CTSA: variants seen among roughly 807,000 people sequenced by gnomAD.
CTSA encodes the protein cathepsin A, also known as lysosomal protective protein.
In CTSA, 42 loss-of-function variants were observed where a neutral mutation model predicts 66.7. That is an observed-to-expected ratio of 0.63 (90% CI 0.49 to 0.81). CTSA has a LOEUF of 0.81. Ranked by LOEUF, CTSA falls within the 40% of genes least tolerant of loss-of-function variation. The pLI is 0.00. For missense variants in CTSA, 525 were observed against 610.9 expected (o/e 0.86, Z 1.48); for synonymous variants, 225 against 248.6 (o/e 0.91, Z 0.89).
Position 45,898,706 on chromosome 20 carries a change from GATGC to G in CTSA, c.*258_*261del, listed in dbSNP as rs1407511523. 8 of 656,740 alleles carry G rather than the reference GATGC, an allele frequency of 1.2e-5. No individual in the cohort carries two copies. The highest frequency in any genetic ancestry group is 2.1e-5 in the Non-Finnish European group (8 of 378,800). The allele number at this position is 656,740 out of a possible 1,614,324, so 40.7% of individuals were successfully genotyped here. On this transcript the variant is annotated 3_prime_UTR_variant, in exon 15 of 15. Transcript: ENST00000646241. The surrounding 1 kb of genome is among the most constrained non-coding windows in gnomAD (Gnocchi z 4.6). ...TCTCTGCTTAAAGAATGCCCTTTAT[GATGC>G]ACTGATTCCATCCCAGGAACCCAAC...
intron 8 of CTSA, 106 bp from the exon 9 acceptor site, chr20:45,894,544 T>G (rs537573068): frequency 5.9e-6 from 6 of 1,023,130 alleles, no homozygotes; most frequent in African/African-American, 3.1e-5. Context: ...TGAAAAAAAG[T>G]GGGTGAAGAG....
At chr20:45,896,580 G>A (rs753554412) in intron 11 of CTSA, 227 of 304,426 alleles carry the variant, frequency 7.5e-4, no homozygotes, top group Non-Finnish European at 3.0e-4. Context: ...CTACAGGCAC[G>A]CACCACCACG....
At chr20:45,893,152 G>T in intron 6 of CTSA, 68 bp from the exon 7 acceptor site, 2 of 1,372,438 alleles carry the variant, frequency 1.5e-6, no homozygotes, top group Non-Finnish European at 2.1e-6. Flanking sequence ...GAAGGTCTGG[G>T]TGGTAGGGTG....
rs139920208 is a variant in CTSA at position 45,892,765 on chromosome 20, G to A, written c.485G>A (p.Arg162His). ...SNFEALQDFF[R>H]LFPEYKNNKL... ...TTTGAGGCCCTTCAAGATTTCTTCC[G>A]CCTCTTTCCGGAGTACAAGAACAAC... is the stretch of plus-strand genomic sequence containing the variant. The change falls in exon 6 of 15, where the codon CGC becomes CAC. Residue 162 changes from arginine to histidine, a missense_variant. Transcript: ENST00000646241. The A allele has an allele frequency of 8.1e-6, 13 of 1,614,022 alleles. No homozygotes were observed. Among genetic ancestry groups the A allele is most frequent in the African/African-American group, 8.0e-5 (6 of 74,896 alleles).
rs1480830627 is a variant in CTSA at position 45,898,076 on chromosome 20, G to A, written c.1326G>A (p.Lys442=). The A allele has an allele frequency of 3.1e-6, 5 of 1,614,090 alleles. No homozygotes were observed. The highest frequency in any genetic ancestry group is 4.2e-6 in the Non-Finnish European group (5 of 1,180,010). ...GGGAGCAGATTGCCGGCTTCGTGAA[G>A]GAGTTCTCCCACATCGCCTTTCTCA... ...DSGEQIAGFV[K]EFSHIAFLTI... The change falls in exon 14 of 15, where the codon AAG becomes AAA. Residue 442 remains lysine (K), a synonymous_variant. Transcript: ENST00000646241. This position sits in a 1 kb window ranked among gnomAD's most constrained non-coding sequence, Gnocchi z 4.6.
rs1355775932 is a variant in CTSA at position 45,892,317 on chromosome 20, G to T, written c.351G>T (p.Trp117Cys). The T allele has an allele frequency of 6.2e-7, 1 of 1,614,054 alleles. No homozygotes were observed. Among genetic ancestry groups the T allele is most frequent in the Non-Finnish European group, 8.5e-7 (1 of 1,180,038 alleles). The change falls in exon 4 of 15, where the codon TGG becomes TGT. Residue 117 changes from tryptophan (W) to cysteine (C), a missense_variant. Trp to Cys is a radical substitution (Grantham distance 215). Around this residue, in one of 3 missense-constraint regions of CTSA, gnomAD observed 246 missense variants for 267.4 expected, o/e 0.92. Transcript: ENST00000646241. ...GVTLEYNPYS[W>C]NLIANVLYLE... is the part of the protein sequence containing the mutation. ...CCCTGGAGTACAACCCCTATTCTTG[G>T]AATCTGGTATAGCTGGAGCTGTGGG... is the stretch of plus-strand genomic sequence containing the variant.
At chr20:45,893,545 C>T (rs1662817132) in intron 7 of CTSA, 15 of 544,796 alleles carry the variant, frequency 2.8e-5, no homozygotes, top group South Asian at 1.0e-4. Context: ...TGCAGTGGCA[C>T]GATCTTAGCT....
At position 45,898,091 on chromosome 20, in the gene CTSA, C is replaced by T. The variant is rs530181128; in HGVS notation, c.1341C>T (p.Ile447=). 17 of 1,614,014 alleles carry T rather than the reference C, an allele frequency of 1.1e-5. No homozygotes were observed. The highest frequency in any genetic ancestry group is 1.7e-4 in the Middle Eastern group (1 of 6,060). Residue 447 remains isoleucine (I), a synonymous_variant, in exon 14 of 15, where the codon ATC becomes ATT. Transcript: ENST00000646241. This position sits in a 1 kb window ranked among gnomAD's most constrained non-coding sequence, Gnocchi z 4.6. Reference sequence around the variant, plus strand: ...GCTTCGTGAAGGAGTTCTCCCACATCGCCTTTCTCACGATCAAGGTAGGGA... The same window carrying T: ...GCTTCGTGAAGGAGTTCTCCCACATTGCCTTTCTCACGATCAAGGTAGGGA... The part of the protein sequence containing the change: ...IAGFVKEFSH[I]AFLTIKGAGH...
chr20:45,891,537 C>A lies in CTSA; in HGVS notation c.1-32C>A, dbSNP rs762928002. On this transcript the variant is annotated intron_variant, in intron 1 of 14. Coordinates refer to ENST00000646241, the MANE Select transcript of CTSA (RefSeq NM_000308.4). This position sits in a 1 kb window ranked among gnomAD's most constrained non-coding sequence, Gnocchi z 4.6. ...GCTGCTGCACGGAAGCGCTGAGGAG[C>A]GAGTCAACAGCCCCTCTGCTGCCTC... 1 of 1,582,656 alleles carries A rather than the reference C, an allele frequency of 6.3e-7. No individual in the cohort carries two copies. Among genetic ancestry groups the A allele is most frequent in the Non-Finnish European group, 8.6e-7 (1 of 1,168,358 alleles).
rs1403530301 is a variant in CTSA at position 45,891,342 on chromosome 20, G to A, written c.-38G>A. 1.3e-6 allele frequency: 2 copies of A among 1,569,866 alleles called. No individual in the cohort carries two copies. Among genetic ancestry groups the A allele is most frequent in the African/African-American group, 2.7e-5 (2 of 74,044 alleles). On this transcript the variant is annotated 5_prime_UTR_variant, in exon 1 of 15. Transcript: ENST00000646241. The surrounding 1 kb of genome is among the most constrained non-coding windows in gnomAD (Gnocchi z 4.6). ...CTCGTACACATGACTTCCAGTCCCC[G>A]GGCGCCTCCTGGAGAGCAAGGACGC...
intron 12 of CTSA, chr20:45,897,506 A>G (rs1321864894): frequency 3.6e-6 from 2 of 557,558 alleles, no homozygotes; most frequent in East Asian, 3.2e-5. Flanking sequence ...CTCCATCTGT[A>G]AAATGGGGAT....
intron 8 of CTSA, 111 bp from the exon 9 acceptor site, chr20:45,894,535 GAAAA>G: frequency 1.0e-6 from 1 of 971,764 alleles, no homozygotes; most frequent in Non-Finnish European, 1.6e-6. Flanking sequence ...CCCTACCTGT[GAAAA>G]AAAGTGGGTG....
intron 11 of CTSA, 81 bp from the exon 12 acceptor site, chr20:45,896,884 G>C (rs554858811): frequency 1.7e-6 from 2 of 1,144,774 alleles, no homozygotes; most frequent in East Asian, 2.3e-5. Context: ...GGAGCTTGGA[G>C]ATAGGAGAGA....
intron 11 of CTSA, chr20:45,896,496 GA>G (rs1161809167): frequency 4.5e-6 from 1 of 224,524 alleles, no homozygotes; most frequent in African/African-American, 2.3e-5. Context: ...GCAGTGCTGC[GA>G]TCTTGGCTCA....
intron 3 of CTSA, 111 bp from the exon 4 acceptor site, chr20:45,892,162 T>G: frequency 6.9e-7 from 1 of 1,439,690 alleles, no homozygotes; most frequent in Non-Finnish European, 9.8e-7. Context: ...TTGGCTTTGC[T>G]GCCTGTACCT....
At position 45,898,370 on chromosome 20, in the gene CTSA, G is replaced by A. The variant is rs2083136134; in HGVS notation, c.1363G>A (p.Ala455Thr). The A allele has an allele frequency of 2.5e-6, 4 of 1,613,500 alleles. No individual in the cohort carries two copies. Among genetic ancestry groups the A allele is most frequent in the South Asian group, 2.2e-5 (2 of 91,024 alleles). ...SHIAFLTIKG[A>T]GHMVPTDKPL... ...GCTCACGAACATTGCTCCTCAGGGC[G>A]CCGGCCACATGGTTCCCACCGACAA... The change falls in exon 15 of 15, where the codon GCC becomes ACC. Residue 455 changes from alanine to threonine, a missense_variant. Ala to Thr is a moderately conservative substitution (Grantham distance 58). Around this residue, in one of 3 missense-constraint regions of CTSA, gnomAD observed 274 missense variants for 321.1 expected, o/e 0.85. Coordinates refer to ENST00000646241, the MANE Select transcript of CTSA (RefSeq NM_000308.4). This position sits in a 1 kb window ranked among gnomAD's most constrained non-coding sequence, Gnocchi z 4.6.
rs137868961 is a variant in CTSA, at chr20:45,891,950, C to T, written c.229C>T (p.Pro77Ser). 1 of 1,614,172 alleles carries T rather than the reference C, an allele frequency of 6.2e-7. No homozygotes were observed. The highest frequency in any genetic ancestry group is 1.7e-5 in the Admixed American group (1 of 60,030). Residue 77 changes from proline (P) to serine (S), a missense_variant, in exon 3 of 15, where the codon CCT (proline) becomes TCT (serine). Pro to Ser is a moderately conservative substitution (Grantham distance 74, BLOSUM62 -1). Transcript: ENST00000646241. This position sits in a 1 kb window ranked among gnomAD's most constrained non-coding sequence, Gnocchi z 4.6. ...VESQKDPENS[P>S]VVLWLNGGPG... is the part of the protein sequence containing the mutation. ...GTCCCAGAAGGATCCCGAGAACAGC[C>T]CTGTGGTGCTTTGGCTCAATGGGGG...
chr20:45,891,966 T>G lies in CTSA; in HGVS notation c.245T>G (p.Leu82Arg), dbSNP rs142368579. 1.2e-6 allele frequency: 2 copies of G among 1,613,908 alleles called. No homozygotes were observed. The highest frequency in any genetic ancestry group is 2.7e-5 in the African/African-American group (2 of 74,894). ...DPENSPVVLW[L>R]NGGPGCSSLD... ...GAGAACAGCCCTGTGGTGCTTTGGC[T>G]CAATGGGGGTCCCGGCTGCAGCTCA... The change falls in exon 3 of 15, where the codon CTC (leucine) becomes CGC (arginine). Residue 82 changes from leucine to arginine, a missense_variant. Physicochemically the swap from Leu to Arg is moderately radical, Grantham distance 102. Coordinates refer to ENST00000646241, the MANE Select transcript of CTSA (RefSeq NM_000308.4). The surrounding 1 kb of genome is among the most constrained non-coding windows in gnomAD (Gnocchi z 4.6).
rs773804377 is a variant in CTSA, at chr20:45,897,676, GC to G, written c.1165-40del. ...GAACTAGGGAAGGGCTGGGGACTGG[GC>G]TTGTTCCACACCCCTCATTTTTACC... On this transcript the variant is annotated intron_variant, in intron 12 of 14. Coordinates refer to ENST00000646241, the MANE Select transcript of CTSA (RefSeq NM_000308.4). The G allele has an allele frequency of 2.6e-5, 32 of 1,244,014 alleles. 1 individual carries two copies. The South Asian group carries it at 3.8e-4, about 15-fold the overall frequency. 77.1% of individuals were successfully genotyped at this position (1,244,014 alleles called of 1,614,324 possible). A position where few individuals can be genotyped will look rare whatever the true frequency, so the allele number is the denominator to read the frequency against.
Sources: allele counts gnomAD v4.1 joint callset, GRCh38; gene constraint gnomAD v4.1.1; regional missense constraint gnomAD v4.1.1; non-coding constraint Gnocchi (gnomAD v3.1); transcripts MANE v1.5; gene names NCBI Gene and HGNC (gene_info 2026-07-23, HGNC 2026-07-21).